The following KCNAB1 variants were observed in gnomAD, a reference collection of about 807,000 sequenced individuals.
The protein encoded by KCNAB1 is potassium voltage-gated channel subfamily A regulatory beta subunit 1.
A neutral mutation model predicts 64.6 loss-of-function variants in KCNAB1; 35 were observed. The ratio of observed to expected loss-of-function variants is 0.54; its 90% confidence interval spans 0.41 to 0.72. The LOEUF is 0.72. Among genes scored for constraint, KCNAB1 ranks in the 30% least tolerant of loss-of-function variants. The pLI, the probability that KCNAB1 is intolerant of heterozygous loss-of-function variation, is 0.00. For synonymous variants in KCNAB1, 177 were observed against 183.8 expected, an observed-to-expected ratio of 0.96 and a Z score of 0.30; for missense variants, 401 against 512.9, an observed-to-expected ratio of 0.78 and a Z score of 2.11.
At chr3:156,354,546 T>G (rs949033725) in intron 1 of KCNAB1, among the ~76,000 whole-genome samples, 3 of 152,044 alleles carry the variant, frequency 2.0e-5, no homozygotes, top group African/African-American at 7.2e-5. Flanking sequence ...TTCTTTAAGA[T>G]GCCATAAGGA....
At chr3:156,187,379 T>G (rs1228236542) in intron 1 of KCNAB1, among the ~76,000 whole-genome samples, 1 of 152,236 alleles carries the variant, frequency 6.6e-6, no homozygotes, top group African/African-American at 2.4e-5. Context: ...ACATCCATAT[T>G]ATCATTTTTA....
chr3:156,326,135 C>T (rs545867608), intron 1 of KCNAB1, among the ~76,000 whole-genome samples: 131 of 152,300 alleles, frequency 8.6e-4, no homozygotes, highest in African/African-American at 2.9e-3. Context: ...GCTCCCCTCT[C>T]CTGCATCTCT....
intron 1 of KCNAB1, chr3:156,176,345 T>C: frequency 2.4e-6 from 2 of 816,886 alleles, no homozygotes; most frequent in Middle Eastern, 2.2e-4. Flanking sequence ...ACCTGGTACA[T>C]GTTCTGAAAT....
intron 5 of KCNAB1, among the ~76,000 whole-genome samples, chr3:156,462,856 A>G (rs146791238): frequency 5.5e-4 from 83 of 152,246 alleles, no homozygotes; most frequent in East Asian, 4.0e-3. Context: ...CTGCTTCCCA[A>G]TTTTATTGTA....
At chr3:156,496,986 G>A (rs1716052955) in intron 8 of KCNAB1, among the ~76,000 whole-genome samples, 1 of 152,114 alleles carries the variant, frequency 6.6e-6, no homozygotes, top group South Asian at 2.1e-4. Flanking sequence ...TACTGGGTCA[G>A]CCTCACATTT....
intron 1 of KCNAB1, among the ~76,000 whole-genome samples, chr3:156,186,953 G>T (rs1238352373): frequency 1.3e-5 from 2 of 151,626 alleles, no homozygotes; most frequent in East Asian, 3.9e-4. Flanking sequence ...CCGGGCTCAA[G>T]TGATCCTCCC....
At chr3:156,226,976 A>T (rs560565069) in intron 1 of KCNAB1, among the ~76,000 whole-genome samples, 6 of 152,254 alleles carry the variant, frequency 3.9e-5, no homozygotes, top group Non-Finnish European at 7.3e-5. Flanking sequence ...AAAGTAAAAA[A>T]CACACAGCCT....
At chr3:156,120,502 G>A (rs150706090), upstream of KCNAB1, 693 of 1,256,022 alleles carry the variant, frequency 5.5e-4, 3 homozygotes, top group African/African-American at 8.7e-3. Context: ...GCAGGATAAG[G>A]TTAAGAGAGG....
At chr3:156,283,389 G>T (rs577064360) in intron 1 of KCNAB1, among the ~76,000 whole-genome samples, 8,626 of 150,518 alleles carry the variant, frequency 0.057, 313 homozygotes, top group Non-Finnish European at 0.08. Context: ...CTCTCTGGCT[G>T]CCCTTAACAT....
chr3:156,328,851 C>T (rs1301446430), intron 1 of KCNAB1, among the ~76,000 whole-genome samples: 1 of 152,192 alleles, frequency 6.6e-6, no homozygotes, highest in African/African-American at 2.4e-5. Flanking sequence ...AGCCACTTGG[C>T]TCCACAGTCT....
chr3:156,293,184 T>C (rs1020309104), intron 1 of KCNAB1, among the ~76,000 whole-genome samples: 3 of 152,232 alleles, frequency 2.0e-5, no homozygotes, highest in African/African-American at 7.2e-5. Context: ...GCCTCCTCAT[T>C]ACATTTGCTT....
At chr3:156,407,687 C>T (rs950532100) in intron 1 of KCNAB1, among the ~76,000 whole-genome samples, 5 of 152,176 alleles carry the variant, frequency 3.3e-5, no homozygotes, top group African/African-American at 9.7e-5. Context: ...TTTTAGGCAA[C>T]GTTACCTCAG....
chr3:156,235,418 C>T (rs933996246), intron 1 of KCNAB1, among the ~76,000 whole-genome samples: 1 of 152,172 alleles, frequency 6.6e-6, no homozygotes, highest in East Asian at 1.9e-4. Flanking sequence ...CAGCACCTGA[C>T]AAGGTGCCAT....
At chr3:156,321,552 T>A (rs538063702) in intron 1 of KCNAB1, among the ~76,000 whole-genome samples, 2 of 152,222 alleles carry the variant, frequency 1.3e-5, no homozygotes, top group Non-Finnish European at 2.9e-5. Context: ...CTTTATATCC[T>A]TTTTCCCTTA....
At chr3:156,312,908 A>G (rs923219443) in intron 1 of KCNAB1, among the ~76,000 whole-genome samples, 3 of 152,028 alleles carry the variant, frequency 2.0e-5, no homozygotes, top group Non-Finnish European at 2.9e-5. Flanking sequence ...TTCTGACAGA[A>G]ATGGCCACTA....
At position 156,524,620 on chromosome 3, in the gene KCNAB1, G is replaced by A. The variant is rs1052421410; in HGVS notation, c.1081+673G>A. On this transcript the variant is annotated intron_variant, in intron 12 of 13. Transcript: ENST00000490337. The stretch of plus-strand genomic sequence containing the variant: ...AAATTAGCCGGGCGTGGTGGTGGGT[G>A]CCTGTAGTCCCAGCTACTTGGGAGG... Among the ~76,000 whole-genome samples, 47 of 151,846 alleles carry A rather than the reference G, an allele frequency of 3.1e-4. 1 individual carries two copies. The highest frequency in any genetic ancestry group is 1.1e-3 in the African/African-American group (47 of 41,450).
chr3:156,533,287 CTTCA>C (rs1487614185), intron 13 of KCNAB1, among the ~76,000 whole-genome samples: 1 of 152,138 alleles, frequency 6.6e-6, no homozygotes, highest in Non-Finnish European at 1.5e-5. Flanking sequence ...CTTCATGTGC[CTTCA>C]TTTTTTACAT....
rs1265120387 is a variant in KCNAB1 at position 156,531,456 on chromosome 3, T to C, written c.1129T>C (p.Ser377Pro). 3.7e-6 allele frequency: 6 copies of C among 1,614,098 alleles called. No homozygotes were observed. The highest frequency in any genetic ancestry group is 5.1e-6 in the Non-Finnish European group (6 of 1,179,938). Reference protein sequence around the residue: ...EGVSSVLLGSSTPEQLIENLG... With the variant: ...EGVSSVLLGSPTPEQLIENLG... ...TGTGAGTTCTGTGCTCCTGGGATCA[T>C]CCACTCCTGAACAACTCATTGAAAA... Residue 377 changes from serine to proline, a missense_variant, in exon 13 of 14, where the codon TCC (serine) becomes CCC (proline). Physicochemically the swap from Ser to Pro is moderately conservative, Grantham distance 74. Transcript: ENST00000490337.
chr3:156,296,940 G>A (rs1157427063), intron 1 of KCNAB1, among the ~76,000 whole-genome samples: 1 of 152,128 alleles, frequency 6.6e-6, no homozygotes, highest in East Asian at 1.9e-4. Flanking sequence ...AGCAAAACCA[G>A]GAAATTGATG....
Sources: allele counts gnomAD v4.1 joint callset (sites outside exome capture counted in the v4.1 genomes callset), GRCh38; gene constraint gnomAD v4.1.1; transcripts MANE v1.5; gene names NCBI Gene and HGNC (gene_info 2026-07-23, HGNC 2026-07-21).